ENOX1: variants seen among roughly 807,000 people sequenced by gnomAD.
The protein encoded by ENOX1 is candidate growth-related and time keeping constitutive hydroquinone (NADH) oxidase.
ENOX1 carries 42 observed loss-of-function variants against 82.5 expected under a neutral mutation model. That is an observed-to-expected ratio of 0.51 (90% CI 0.40 to 0.66). The LOEUF (loss-of-function observed/expected upper bound fraction) is 0.66, where lower values mean the gene tolerates loss of function less well. Among genes scored for constraint, ENOX1 ranks in the 30% least tolerant of loss-of-function variants. ENOX1 has a pLI of 0.00. For synonymous variants in ENOX1, 271 were observed against 282.2 expected, an observed-to-expected ratio of 0.96 and a Z score of 0.40; for missense variants, 608 against 811.6, an observed-to-expected ratio of 0.75 and a Z score of 3.05.
chr13:43,263,772 G>T (rs922442696), intron 14 of ENOX1, among the ~76,000 whole-genome samples: 4 of 152,206 alleles, frequency 2.6e-5, no homozygotes, highest in Non-Finnish European at 5.9e-5. Flanking sequence ...ACTTTGTCTG[G>T]CTTATTGGAA....
intron 1 of ENOX1, among the ~76,000 whole-genome samples, chr13:43,680,813 AGAT>A (rs1416975606): frequency 6.6e-6 from 1 of 152,166 alleles, no homozygotes; most frequent in Non-Finnish European, 1.5e-5. Context: ...AAGCTATAAC[AGAT>A]GTCAGGAAAT....
rs1368094271 is a variant in ENOX1, at chr13:43,781,827, T to TA, written c.-285+4824dup. Among the ~76,000 whole-genome samples the TA allele has an allele frequency of 7.2e-5, 11 of 152,308 alleles. No individual in the cohort carries two copies. In the South Asian group the frequency reaches 8.3e-4, roughly 11 times the overall value. ...CGCCCGGCCTTGTCCACTATTTAAATAAGAGTCTGTAGGACCTTAAACTCT... is the reference window on the plus strand; with the variant it reads ...CGCCCGGCCTTGTCCACTATTTAAATAAAGAGTCTGTAGGACCTTAAACTCT... On this transcript the variant is annotated intron_variant, in intron 1 of 16. Transcript: ENST00000690772.
intron 14 of ENOX1, among the ~76,000 whole-genome samples, chr13:43,251,882 A>T (rs898685167): frequency 6.6e-6 from 1 of 152,152 alleles, no homozygotes; most frequent in African/African-American, 2.4e-5. Context: ...GTCATATAAA[A>T]TGGTCAGGAA....
intron 2 of ENOX1, among the ~76,000 whole-genome samples, chr13:43,507,168 A>G (rs1252420227): frequency 1.3e-5 from 2 of 151,906 alleles, no homozygotes; most frequent in African/African-American, 4.8e-5. Context: ...AAGAGAAATG[A>G]AAAACAGAAG....
intron 2 of ENOX1, among the ~76,000 whole-genome samples, chr13:43,654,968 C>G (rs2084363110): frequency 6.6e-6 from 1 of 152,124 alleles, no homozygotes. Context: ...CTTTTTGTTC[C>G]TTGGCCTTTT....
intron 11 of ENOX1, among the ~76,000 whole-genome samples, chr13:43,301,191 A>G (rs2046557205): frequency 1.3e-5 from 2 of 152,208 alleles, no homozygotes; most frequent in African/African-American, 4.8e-5. Flanking sequence ...TTCAATTCAG[A>G]GTGGCATTTT....
At chr13:43,600,121 C>T (rs980989916) in intron 2 of ENOX1, among the ~76,000 whole-genome samples, 1 of 151,990 alleles carries the variant, frequency 6.6e-6, no homozygotes, top group Non-Finnish European at 1.5e-5. Context: ...TGGGGAAGGA[C>T]CCCTTACGCT....
chr13:43,745,305 T>A (rs1326263160), intron 1 of ENOX1, among the ~76,000 whole-genome samples: 7 of 151,956 alleles, frequency 4.6e-5, no homozygotes, highest in Non-Finnish European at 7.4e-5. Flanking sequence ...ATAAAATTTA[T>A]CCACATGTAA....
At chr13:43,515,114 C>T (rs2077511228) in intron 2 of ENOX1, among the ~76,000 whole-genome samples, 1 of 152,130 alleles carries the variant, frequency 6.6e-6, no homozygotes, top group Non-Finnish European at 1.5e-5. Context: ...GTTCAAGTCA[C>T]GCAACCAGTA....
intron 2 of ENOX1, among the ~76,000 whole-genome samples, chr13:43,556,426 C>A (rs1593799912): frequency 6.6e-6 from 1 of 152,148 alleles, no homozygotes; most frequent in Admixed American, 6.5e-5. Context: ...GCTTTGCAGT[C>A]ATACTGTTTA....
chr13:43,497,401 C>G lies in ENOX1; in HGVS notation c.-218-13249G>C, dbSNP rs9594960. 9.7e-3 allele frequency among the ~76,000 whole-genome samples: 1,480 copies of G among 152,190 alleles called. 12 individuals are homozygous for G. The highest frequency in any genetic ancestry group is 0.013 in the Non-Finnish European group (856 of 67,974). ...CTTAGTTGAAGGTTTTTCACAGATT[C>G]CCTTTAACAGATTAGGAAAGATACC... On this transcript the variant is annotated intron_variant, in intron 2 of 16. Transcript: ENST00000690772.
intron 14 of ENOX1, among the ~76,000 whole-genome samples, chr13:43,253,395 T>C (rs2043569569): frequency 6.6e-6 from 1 of 152,218 alleles, no homozygotes; most frequent in Non-Finnish European, 1.5e-5. Context: ...ATGAGATGGA[T>C]GAGGTTGGAG....
chr13:43,522,293 T>C (rs1244095997), intron 2 of ENOX1, among the ~76,000 whole-genome samples: 4 of 152,158 alleles, frequency 2.6e-5, no homozygotes, highest in Non-Finnish European at 5.9e-5. Context: ...TAGTATTGGC[T>C]TAATGAGCTT....
chr13:43,750,141 T>G (rs1330876071), intron 1 of ENOX1, among the ~76,000 whole-genome samples: 1 of 152,152 alleles, frequency 6.6e-6, no homozygotes, highest in Non-Finnish European at 1.5e-5. Flanking sequence ...AGATTTAGTT[T>G]TCCAACTCAT....
chr13:43,462,779 C>T (rs190528352), intron 3 of ENOX1, among the ~76,000 whole-genome samples: 6 of 152,206 alleles, frequency 3.9e-5, no homozygotes, highest in South Asian at 2.1e-4. Context: ...TCCCCATAAA[C>T]GAGTCAACCT....
At chr13:43,605,166 C>T (rs1282014389) in intron 2 of ENOX1, among the ~76,000 whole-genome samples, 2 of 151,754 alleles carry the variant, frequency 1.3e-5, no homozygotes, top group Admixed American at 6.6e-5. Context: ...GAAGAGAACA[C>T]AAAAAATGGA....
At chr13:43,332,054 T>C (rs910162693) in intron 9 of ENOX1, among the ~76,000 whole-genome samples, 3 of 152,126 alleles carry the variant, frequency 2.0e-5, no homozygotes, top group African/African-American at 7.2e-5. Context: ...TCACATGACA[T>C]TGTGAGTCCA....
intron 2 of ENOX1, among the ~76,000 whole-genome samples, chr13:43,590,080 G>A (rs1197833493): frequency 1.3e-5 from 2 of 152,092 alleles, no homozygotes; most frequent in Non-Finnish European, 2.9e-5. Context: ...ACAGAAAATC[G>A]TTATGCTCTA....
intron 2 of ENOX1, among the ~76,000 whole-genome samples, chr13:43,485,820 A>C (rs566967505): frequency 6.6e-6 from 1 of 152,366 alleles, no homozygotes; most frequent in African/African-American, 2.4e-5. Context: ...CCACGCCTAT[A>C]ATCCCAGCAC....
Sources: allele counts gnomAD v4.1 joint callset (sites outside exome capture counted in the v4.1 genomes callset), GRCh38; gene constraint gnomAD v4.1.1; transcripts MANE v1.5; gene names NCBI Gene and HGNC (gene_info 2026-07-23, HGNC 2026-07-21).